Variants in UNC13B observed in about 807,000 individuals in gnomAD.
The protein encoded by UNC13B is unc-13 homolog B.
A neutral mutation model predicts 211.0 loss-of-function variants in UNC13B; 144 were observed. The observed-to-expected ratio is 0.68, with a 90% CI of 0.60 to 0.78. The LOEUF is 0.78. Among genes scored for constraint, UNC13B ranks in the 30% least tolerant of loss-of-function variants. UNC13B has a pLI of 0.00. For synonymous variants in UNC13B, 709 were observed against 725.8 expected (o/e 0.98, Z 0.37); for missense variants, 1,777 against 2,002.0 (o/e 0.89, Z 2.14).
rs1836469702 is a variant in UNC13B, at chr9:35,403,524, G to T, written c.12662G>T (p.Ser4221Ile). The T allele has an allele frequency of 6.2e-7, 1 of 1,613,966 alleles. No homozygotes were observed. Residue 4221 changes from serine (S) to isoleucine (I), a missense_variant, in exon 39 of 40, where the codon AGT becomes ATT. Transcript: ENST00000635942. The stretch of plus-strand genomic sequence containing the variant: ...GTGACTATGGTTGGCCCACACCAAA[G>T]TGATAAGAAGAGGAAGTTCACAACC... Reference protein sequence around the residue: ...VEVTMVGPHQSDKKRKFTTKS... With the variant: ...VEVTMVGPHQIDKKRKFTTKS...
chr9:35,362,782 A>C (rs926923755), intron 11 of UNC13B, among the ~76,000 whole-genome samples: 3 of 147,384 alleles, frequency 2.0e-5, no homozygotes, highest in African/African-American at 7.6e-5. Context: ...CCTGGGCAAT[A>C]GAGCGAGACT....
rs1249846498 is a variant in UNC13B, at chr9:35,254,876, TTA to T, written c.469-4109_469-4108del. On this transcript the variant is annotated intron_variant, in intron 6 of 39. Transcript: ENST00000635942. ...AAGTGTTGAATTGTTTATACATTAT[TTA>T]TATATATTATATATAATATACGTAT... 3.1e-5 allele frequency among the ~76,000 whole-genome samples: 4 copies of T among 128,632 alleles called. No homozygotes were observed. The South Asian group carries it at 6.6e-4, about 21-fold the overall frequency. 84.4% of individuals were successfully genotyped at this position (128,632 alleles called of 152,430 possible). A position where few individuals can be genotyped will look rare whatever the true frequency, so the allele number is the denominator to read the frequency against.
chr9:35,305,905 A>G lies in UNC13B; in HGVS notation c.6501A>G (p.Gly2167=). The change falls in exon 9 of 40, where the codon GGA becomes GGG. Residue 2167 remains glycine, a synonymous_variant. Transcript: ENST00000635942. ...AGAGTATATTTTCTTTTCTCACTGG[A>G]TCTGAAAAATCTGAGAACAGAGCCT... is the stretch of plus-strand genomic sequence containing the variant. ...TKKSIFSFLT[G]SEKSENRASA... 1 of 398,980 alleles carries G rather than the reference A, an allele frequency of 2.5e-6. No homozygotes were observed. The highest frequency in any genetic ancestry group is 4.4e-6 in the Non-Finnish European group (1 of 226,036). 24.7% of individuals were successfully genotyped at this position (398,980 alleles called of 1,614,324 possible). A position where few individuals can be genotyped will look rare whatever the true frequency, so the allele number is the denominator to read the frequency against.
chr9:35,383,489 G>C (rs1020591010), intron 21 of UNC13B, among the ~76,000 whole-genome samples: 10 of 152,114 alleles, frequency 6.6e-5, no homozygotes, highest in African/African-American at 2.4e-4. Flanking sequence ...TTCTGTAGAT[G>C]TGTAACTTAT....
intron 11 of UNC13B, among the ~76,000 whole-genome samples, chr9:35,365,191 A>G (rs1384787479): frequency 6.6e-6 from 1 of 152,168 alleles, no homozygotes; most frequent in Non-Finnish European, 1.5e-5. Flanking sequence ...CTTGAAGACC[A>G]TGAGGGTTTG....
chr9:35,344,119 G>C (rs1165821290), intron 11 of UNC13B, among the ~76,000 whole-genome samples: 1 of 152,106 alleles, frequency 6.6e-6, no homozygotes. Flanking sequence ...CGGGGTAGGG[G>C]ATGGGAGCCC....
intron 11 of UNC13B, among the ~76,000 whole-genome samples, chr9:35,345,240 A>G (rs1832277081): frequency 6.6e-6 from 1 of 152,212 alleles, no homozygotes; most frequent in Admixed American, 6.5e-5. Flanking sequence ...GACAGACTTT[A>G]TGTGGGGGGA....
intron 7 of UNC13B, among the ~76,000 whole-genome samples, chr9:35,275,439 A>T (rs1019593918): frequency 1.7e-4 from 26 of 152,206 alleles, no homozygotes; most frequent in African/African-American, 6.3e-4. Flanking sequence ...TCCTGTTCCT[A>T]TTCCCCAGCC....
Position 35,366,896 on chromosome 9 carries a change from C to G in UNC13B, c.9415-51C>G, listed in dbSNP as rs1253188261. On this transcript the variant is annotated intron_variant, in intron 11 of 39. Transcript: ENST00000635942. ...TACTGCTCGCTGCTCAGATTACAGG[C>G]AATCTCCCATCTTTCCCAGGATCTA... 2.0e-6 allele frequency: 3 copies of G among 1,487,302 alleles called. No individual in the cohort carries two copies. The East Asian group carries it at 6.8e-5, about 34-fold the overall frequency. The allele number at this position is 1,487,302 out of a possible 1,614,324, so 92.1% of individuals were successfully genotyped here.
intron 6 of UNC13B, 75 bp from the exon 7 acceptor site, chr9:35,258,918 T>C (rs550727700): frequency 6.8e-7 from 1 of 1,473,434 alleles, no homozygotes; most frequent in African/African-American, 1.4e-5. Context: ...TTATAGGTAG[T>C]TGTGATTTTT....
At chr9:35,184,937 A>C (rs1822276957) in intron 1 of UNC13B, among the ~76,000 whole-genome samples, 1 of 152,098 alleles carries the variant, frequency 6.6e-6, no homozygotes, top group African/African-American at 2.4e-5. Context: ...ACATTGTTTT[A>C]TAATCTTTTT....
chr9:35,284,882 A>G (rs1828704390), intron 7 of UNC13B, among the ~76,000 whole-genome samples: 1 of 152,206 alleles, frequency 6.6e-6, no homozygotes. Context: ...TTTTAATGTC[A>G]TGGAAACATT....
In UNC13B at chr9:35,305,332, T is replaced by C. The variant is rs943046328; in HGVS notation, c.5928T>C (p.Ser1976=). 5.0e-6 allele frequency: 2 copies of C among 398,940 alleles called. No individual in the cohort carries two copies. Among genetic ancestry groups the C allele is most frequent in the Non-Finnish European group, 8.8e-6 (2 of 226,006 alleles). 24.7% of individuals were successfully genotyped at this position (398,940 alleles called of 1,614,324 possible). The stretch of plus-strand genomic sequence containing the variant: ...CACCTCAAGAAAAGAAAGAATCTTC[T>C]GGTGTTTCAAATTTTTGGGGTACCC... ...KIPPQEKKES[S]GVSNFWGTLG... is the part of the protein sequence containing the mutation. Residue 1976 remains serine, a synonymous_variant, in exon 9 of 40, where the codon TCT becomes TCC. Coordinates refer to ENST00000635942, the MANE Select transcript of UNC13B (RefSeq NM_001371189.2).
chr9:35,260,269 G>T (rs545247788), intron 7 of UNC13B, among the ~76,000 whole-genome samples: 1 of 152,182 alleles, frequency 6.6e-6, no homozygotes, highest in South Asian at 2.1e-4. Context: ...AGGTCTTACA[G>T]TATGCCAGAT....
chr9:35,353,273 A>G (rs1832834278), intron 11 of UNC13B: 2 of 1,232,128 alleles, frequency 1.6e-6, no homozygotes, highest in Non-Finnish European at 2.0e-6. Context: ...TTATACAAGT[A>G]AACTGGGCCG....
intron 12 of UNC13B, 69 bp downstream of exon 12, chr9:35,367,062 TGGGAA>T: frequency 2.0e-6 from 3 of 1,489,534 alleles, no homozygotes; most frequent in Non-Finnish European, 2.8e-6. Context: ...GCTTTTCCCC[TGGGAA>T]GCAGGGGAAC....
chr9:35,375,684 C>T (rs1191819283), intron 14 of UNC13B, among the ~76,000 whole-genome samples: 1 of 152,184 alleles, frequency 6.6e-6, no homozygotes, highest in Non-Finnish European at 1.5e-5. Flanking sequence ...CCCTGCAGAA[C>T]CCAAAAGTCA....
chr9:35,303,342 C>T lies in UNC13B; in HGVS notation c.3938C>T (p.Pro1313Leu), dbSNP rs1283850777. The change falls in exon 9 of 40, where the codon CCA (proline) becomes CTA (leucine). Residue 1313 changes from proline (P) to leucine (L), a missense_variant. Transcript: ENST00000635942. ...AAATCTATGGCTAAGAGGCAAATGC[C>T]AAACCATGTTCTTGAGGCAAAACTA... is the stretch of plus-strand genomic sequence containing the variant. ...LEKSMAKRQM[P>L]NHVLEAKLHE... 2.5e-6 allele frequency: 1 copy of T among 398,480 alleles called. No homozygotes were observed. Among genetic ancestry groups the T allele is most frequent in the East Asian group, 3.6e-5 (1 of 28,084 alleles). 24.7% of individuals were successfully genotyped at this position (398,480 alleles called of 1,614,324 possible).
intron 7 of UNC13B, among the ~76,000 whole-genome samples, chr9:35,274,801 A>G (rs1256359083): frequency 6.6e-6 from 1 of 152,174 alleles, no homozygotes; most frequent in Non-Finnish European, 1.5e-5. Flanking sequence ...TGGGCTATTT[A>G]GTCCCTACAC....
Sources: gnomAD v4.1 joint callset for allele counts (sites outside exome capture counted in the v4.1 genomes callset) on GRCh38, gnomAD v4.1.1 for gene constraint, MANE v1.5 for transcripts, NCBI Gene and HGNC (gene_info 2026-07-23, HGNC 2026-07-21) for gene names.